The following DACH1 variants were observed in gnomAD, a reference collection of about 807,000 sequenced individuals.
DACH1 encodes the protein dachshund homolog 1.
In DACH1, 12 loss-of-function variants were observed where a neutral mutation model predicts 54.2. That is an observed-to-expected ratio of 0.22 (90% confidence interval 0.14 to 0.36). The LOEUF (loss-of-function observed/expected upper bound fraction) is 0.36. Among genes scored for constraint, DACH1 ranks in the 10% least tolerant of loss-of-function variants. The pLI is 1.00. For synonymous variants in DACH1, 386 were observed against 366.2 expected (o/e 1.05, Z -0.62); for missense variants, 805 against 929.8 (o/e 0.87, Z 1.75).
At chr13:71,494,025 C>T (rs1225528522) in intron 6 of DACH1, among the ~76,000 whole-genome samples, 1 of 152,142 alleles carries the variant, frequency 6.6e-6, no homozygotes, top group African/African-American at 2.4e-5. Flanking sequence ...TAAGGCAGCA[C>T]TCCCAATACC....
At chr13:71,461,403 A>G (rs953989800) in intron 10 of DACH1, among the ~76,000 whole-genome samples, 4 of 152,002 alleles carry the variant, frequency 2.6e-5, no homozygotes, top group Non-Finnish European at 5.9e-5. Context: ...TTTATGCTGT[A>G]TTATAATTGT....
chr13:71,520,736 G>A (rs1200622466), intron 6 of DACH1, among the ~76,000 whole-genome samples: 3 of 151,692 alleles, frequency 2.0e-5, no homozygotes, highest in African/African-American at 7.3e-5. Context: ...AGCAGCCTGT[G>A]TGCCTGATAT....
At chr13:71,855,860 C>T (rs918348173) in intron 1 of DACH1, among the ~76,000 whole-genome samples, 2 of 151,796 alleles carry the variant, frequency 1.3e-5, no homozygotes, top group Admixed American at 1.3e-4. Context: ...TCTTCTCCTA[C>T]TTGGACTGAC....
At chr13:71,631,744 T>C (rs1877115830) in intron 2 of DACH1, among the ~76,000 whole-genome samples, 1 of 152,124 alleles carries the variant, frequency 6.6e-6, no homozygotes, top group South Asian at 2.1e-4. Context: ...AGAAAATTTG[T>C]CCAGAATAGT....
chr13:71,661,168 T>A (rs939278168), intron 2 of DACH1, among the ~76,000 whole-genome samples: 4 of 150,944 alleles, frequency 2.6e-5, no homozygotes, highest in Non-Finnish European at 4.4e-5. Flanking sequence ...GACACATACA[T>A]ATATATATAT....
intron 1 of DACH1, among the ~76,000 whole-genome samples, chr13:71,761,890 T>C (rs141305269): frequency 1.8e-4 from 27 of 152,230 alleles, no homozygotes; most frequent in African/African-American, 6.5e-4. Context: ...TTAATAAATA[T>C]ATCTAAAACA....
chr13:71,485,512 A>G (rs1244071851), intron 7 of DACH1, among the ~76,000 whole-genome samples: 1 of 147,648 alleles, frequency 6.8e-6, no homozygotes, highest in Non-Finnish European at 1.5e-5. Flanking sequence ...ATATCAACAT[A>G]GGATTTTTTT....
intron 2 of DACH1, among the ~76,000 whole-genome samples, chr13:71,680,409 C>G (rs988741444): frequency 6.6e-6 from 1 of 151,994 alleles, no homozygotes; most frequent in African/African-American, 2.4e-5. Flanking sequence ...CAAGACCAGA[C>G]AGGGCAACAT....
At chr13:71,466,080 A>G (rs17088289) in intron 10 of DACH1, among the ~76,000 whole-genome samples, 16,680 of 152,096 alleles carry the variant, frequency 0.11, 1,577 homozygotes, top group East Asian at 0.41. Flanking sequence ...TTTATTTTGC[A>G]TGTTTATACT....
chr13:71,762,768 CAA>C (rs34543654), intron 1 of DACH1, among the ~76,000 whole-genome samples: 186 of 71,188 alleles, frequency 2.6e-3, no homozygotes, highest in African/African-American at 9.0e-3. Context: ...AACTTTGTCT[CAA>C]AAAAAAAAAA....
chr13:71,441,004 T>A (rs1157972535), intron 10 of DACH1, among the ~76,000 whole-genome samples: 2 of 152,002 alleles, frequency 1.3e-5, no homozygotes, highest in Non-Finnish European at 1.5e-5. Flanking sequence ...GTTAGTTGAT[T>A]TCTGTTGAAT....
chr13:71,795,815 T>C (rs142117544), intron 1 of DACH1, among the ~76,000 whole-genome samples: 2 of 152,312 alleles, frequency 1.3e-5, no homozygotes, highest in African/African-American at 4.8e-5. Context: ...CCCTGCAATA[T>C]TGTTGGAAGG....
At chr13:71,766,993 C>T (rs1346939058) in intron 1 of DACH1, among the ~76,000 whole-genome samples, 1 of 152,066 alleles carries the variant, frequency 6.6e-6, no homozygotes, top group East Asian at 1.9e-4. Context: ...CTAGTTAACA[C>T]CCTCCTCTCC....
intron 10 of DACH1, among the ~76,000 whole-genome samples, chr13:71,460,147 C>T (rs1875946082): frequency 6.6e-6 from 1 of 151,990 alleles, no homozygotes; most frequent in Admixed American, 6.6e-5. Flanking sequence ...CAATTACCTA[C>T]CAAACTAAAT....
intron 1 of DACH1, among the ~76,000 whole-genome samples, chr13:71,715,771 G>C (rs1882937401): frequency 6.6e-6 from 1 of 151,458 alleles, no homozygotes; most frequent in Non-Finnish European, 1.5e-5. Flanking sequence ...ATTTTCTTCA[G>C]TTGTTTCTCC....
At chr13:71,553,791 G>C (rs940624622) in intron 6 of DACH1, among the ~76,000 whole-genome samples, 1 of 151,134 alleles carries the variant, frequency 6.6e-6, no homozygotes, top group Non-Finnish European at 1.5e-5. Flanking sequence ...AACTAATGGT[G>C]ACTTAATTTT....
chr13:71,468,056 TGGAAAA>T (rs2138155131), intron 10 of DACH1, among the ~76,000 whole-genome samples: 1 of 152,244 alleles, frequency 6.6e-6, no homozygotes, highest in Non-Finnish European at 1.5e-5. Context: ...CTTTTAAATA[TGGAAAA>T]CGTGGTTAGG....
chr13:71,707,517 G>T (rs1173805463), intron 1 of DACH1, among the ~76,000 whole-genome samples: 2 of 152,252 alleles, frequency 1.3e-5, no homozygotes, highest in Non-Finnish European at 1.5e-5. Context: ...TTTGGCAAGG[G>T]AAAAGAAAGT....
chr13:71,820,401 T>C (rs962393171), intron 1 of DACH1, among the ~76,000 whole-genome samples: 3 of 152,142 alleles, frequency 2.0e-5, no homozygotes, highest in African/African-American at 7.2e-5. Context: ...GAGATGACTT[T>C]TCCAATTTCC....
Sources: allele counts gnomAD v4.1 joint callset (sites outside exome capture counted in the v4.1 genomes callset), GRCh38; gene constraint gnomAD v4.1.1; transcripts MANE v1.5; gene names NCBI Gene and HGNC (gene_info 2026-07-23, HGNC 2026-07-21).